The following ATP8A1 variants were observed in gnomAD, a reference collection of about 807,000 sequenced individuals.
The protein encoded by ATP8A1 is ATPase phospholipid transporting 8A1.
In ATP8A1, 90 loss-of-function variants were observed where a neutral mutation model predicts 177.7. That is an observed-to-expected ratio of 0.51 (90% CI 0.43 to 0.60). The LOEUF (loss-of-function observed/expected upper bound fraction) is 0.60, where lower values mean the gene tolerates loss of function less well. ATP8A1 is among the 20% of genes least tolerant of loss of function. The pLI is 0.00. For synonymous variants in ATP8A1, 493 were observed against 485.9 expected, an observed-to-expected ratio of 1.01 and a Z score of -0.19; for missense variants, 1,072 against 1,392.8, an observed-to-expected ratio of 0.77 and a Z score of 3.67.
chr4:42,430,519 C>T (rs78265595), intron 33 of ATP8A1, among the ~76,000 whole-genome samples: 25,135 of 151,178 alleles, frequency 0.17, 2,529 homozygotes, highest in South Asian at 0.29. Context: ...TAGGAGTACA[C>T]GTGCAGGTTT....
rs1016218771 is a variant in ATP8A1, at chr4:42,411,443, T to G, written c.*1473A>C. On this transcript the variant is annotated 3_prime_UTR_variant, in exon 37 of 37. Coordinates refer to ENST00000381668, the MANE Select transcript of ATP8A1 (RefSeq NM_006095.2). Reference sequence around the variant, plus strand: ...TAAGTCCATGTAAAGGCAAGCAGGCTTTTGAGTAAAAGGCAAATAGTTTGC... The same window carrying G: ...TAAGTCCATGTAAAGGCAAGCAGGCGTTTGAGTAAAAGGCAAATAGTTTGC... The G allele has an allele frequency of 2.0e-5, 3 of 152,222 alleles. No individual in the cohort carries two copies. The highest frequency in any genetic ancestry group is 7.2e-5 in the African/African-American group (3 of 41,466). The allele number at this position is 152,222 out of a possible 1,614,324, so 9.4% of individuals were successfully genotyped here.
intron 35 of ATP8A1, among the ~76,000 whole-genome samples, chr4:42,418,826 C>T (rs1316161297): frequency 1.3e-5 from 2 of 152,276 alleles, no homozygotes; most frequent in South Asian, 4.1e-4. Flanking sequence ...ACTATTTCCA[C>T]TAAAAATGGC....
At chr4:42,458,968 T>C (rs1017081097) in intron 27 of ATP8A1, among the ~76,000 whole-genome samples, 3 of 152,214 alleles carry the variant, frequency 2.0e-5, no homozygotes, top group African/African-American at 4.8e-5. Flanking sequence ...CATTCAATGA[T>C]GTGTTTTCTG....
chr4:42,523,913 C>T (rs988643323), intron 21 of ATP8A1, among the ~76,000 whole-genome samples: 1 of 152,040 alleles, frequency 6.6e-6, no homozygotes, highest in Non-Finnish European at 1.5e-5. Flanking sequence ...TTTTAAAAAA[C>T]ATTCCTATCT....
intron 24 of ATP8A1, among the ~76,000 whole-genome samples, chr4:42,489,409 A>T (rs1722524051): frequency 6.6e-6 from 1 of 152,284 alleles, no homozygotes; most frequent in Non-Finnish European, 1.5e-5. Flanking sequence ...AATTCGTGAC[A>T]TCAGTATCCC....
At chr4:42,482,334 C>CA (rs11445014) in intron 25 of ATP8A1, among the ~76,000 whole-genome samples, 43,564 of 144,868 alleles carry the variant, frequency 0.3, 7,466 homozygotes, top group East Asian at 0.56. Context: ...AACAAACAAA[C>CA]AAAAAAAAAA....
At chr4:42,574,515 C>T (rs1053517845) in intron 14 of ATP8A1, 104 bp downstream of exon 14, 2 of 885,776 alleles carry the variant, frequency 2.3e-6, no homozygotes, top group Non-Finnish European at 3.5e-6. Flanking sequence ...CTAAAAAAAA[C>T]CAAACAACCC....
chr4:42,647,335 C>T (rs1221515199), intron 1 of ATP8A1, among the ~76,000 whole-genome samples: 1 of 152,130 alleles, frequency 6.6e-6, no homozygotes, highest in Non-Finnish European at 1.5e-5. Context: ...GTATAATTTA[C>T]AACTATGCTG....
Position 42,590,868 on chromosome 4 carries a change from A to G in ATP8A1, c.467T>C (p.Ile156Thr). ...ATGTTCCCCATTGGTCACTTTCACT[A>G]TCTCCCCTACTGCCACCTACACGTC... ...VHWEKVAVGE[I>T]VKVTNGEHLP... The change falls in exon 7 of 37, where the codon ATA becomes ACA. Residue 156 changes from isoleucine (I) to threonine (T), a missense_variant. Coordinates refer to ENST00000381668, the MANE Select transcript of ATP8A1 (RefSeq NM_006095.2). 1.2e-6 allele frequency: 2 copies of G among 1,613,354 alleles called. No individual in the cohort carries two copies. The highest frequency in any genetic ancestry group is 1.7e-6 in the Non-Finnish European group (2 of 1,179,806).
chr4:42,513,056 G>A (rs1223490821), intron 22 of ATP8A1, among the ~76,000 whole-genome samples: 1 of 152,174 alleles, frequency 6.6e-6, no homozygotes, highest in Non-Finnish European at 1.5e-5. Context: ...TAGGCAGTGG[G>A]TGGATTTAGC....
intron 25 of ATP8A1, among the ~76,000 whole-genome samples, chr4:42,466,217 T>C (rs765994240): frequency 3.2e-4 from 49 of 152,316 alleles, no homozygotes; most frequent in Admixed American, 9.1e-4. Flanking sequence ...AAACAACTTA[T>C]GTACACAATG....
At chr4:42,449,169 C>A (rs1717661832) in intron 30 of ATP8A1, among the ~76,000 whole-genome samples, 1 of 152,200 alleles carries the variant, frequency 6.6e-6, no homozygotes, top group South Asian at 2.1e-4. Context: ...TTTACCCATG[C>A]ATGATTCTGC....
chr4:42,423,200 A>G (rs1018928169), intron 34 of ATP8A1, among the ~76,000 whole-genome samples: 1 of 152,016 alleles, frequency 6.6e-6, no homozygotes, highest in Non-Finnish European at 1.5e-5. Flanking sequence ...AAAATTTATA[A>G]CCCTTGAAAA....
At chr4:42,453,259 G>C (rs983404486) in intron 29 of ATP8A1, among the ~76,000 whole-genome samples, 1 of 152,126 alleles carries the variant, frequency 6.6e-6, no homozygotes, top group Non-Finnish European at 1.5e-5. Context: ...CCCGCACTTG[G>C]AACCCCCAGC....
chr4:42,642,302 C>G (rs560147413), intron 1 of ATP8A1, among the ~76,000 whole-genome samples: 57 of 152,218 alleles, frequency 3.7e-4, no homozygotes, highest in Middle Eastern at 3.4e-3. Flanking sequence ...CACACCCTAA[C>G]GAGACTCTGA....
chr4:42,469,760 C>T (rs771018829), intron 25 of ATP8A1, among the ~76,000 whole-genome samples: 1 of 152,154 alleles, frequency 6.6e-6, no homozygotes, highest in Non-Finnish European at 1.5e-5. Flanking sequence ...TTTTCTACTG[C>T]TGTGTCTCCA....
intron 33 of ATP8A1, among the ~76,000 whole-genome samples, chr4:42,426,797 GCTTGT>G (rs1307158171): frequency 6.6e-6 from 1 of 152,054 alleles, no homozygotes; most frequent in African/African-American, 2.4e-5. Context: ...CACAGCACAC[GCTTGT>G]CTTATCTGCT....
chr4:42,459,593 A>G, intron 27 of ATP8A1: 1 of 251,004 alleles, frequency 4.0e-6, no homozygotes, highest in Non-Finnish European at 8.1e-6. Flanking sequence ...TGAGAATAGA[A>G]AAATAATTAC....
intron 25 of ATP8A1, among the ~76,000 whole-genome samples, chr4:42,472,828 CA>C (rs902381613): frequency 2.7e-5 from 4 of 150,202 alleles, no homozygotes; most frequent in African/African-American, 4.9e-5. Flanking sequence ...TTGGATTGAC[CA>C]AAGTATGTTT....
Sources: gnomAD v4.1 joint callset for allele counts (sites outside exome capture counted in the v4.1 genomes callset) on GRCh38, gnomAD v4.1.1 for gene constraint, MANE v1.5 for transcripts, NCBI Gene and HGNC (gene_info 2026-07-23, HGNC 2026-07-21) for gene names.